The following BZW2 variants were observed in gnomAD, a reference collection of about 807,000 sequenced individuals.
BZW2 encodes the protein basic leucine zipper and W2 domains 2, also known as eIF5-mimic protein 1.
BZW2 carries 23 observed loss-of-function variants against 53.2 expected under a neutral mutation model. That is an observed-to-expected ratio of 0.43 (90% CI 0.31 to 0.61). The LOEUF is 0.61. Among genes scored for constraint, BZW2 ranks in the 20% least tolerant of loss-of-function variants. The pLI is 0.09. For synonymous variants in BZW2, 227 were observed against 186.4 expected, an observed-to-expected ratio of 1.22 and a Z score of -1.77; for missense variants, 409 against 503.1, an observed-to-expected ratio of 0.81 and a Z score of 1.79.
chr7:16,672,341 T>C (rs528329203), intron 2 of BZW2, among the ~76,000 whole-genome samples: 3 of 152,328 alleles, frequency 2.0e-5, no homozygotes, highest in South Asian at 4.1e-4. Context: ...TTTGCTACTA[T>C]TTTCTAGGTC....
At chr7:16,697,116 TG>T in intron 9 of BZW2, 55 bp downstream of exon 9, 12 of 1,512,208 alleles carry the variant, frequency 7.9e-6, no homozygotes, top group East Asian at 2.4e-5. Flanking sequence ...CAGCTTTTTT[TG>T]TTTGTTTGTT....
At chr7:16,682,902 A>C in intron 5 of BZW2, 57 bp downstream of exon 5, 2 of 1,241,306 alleles carry the variant, frequency 1.6e-6, no homozygotes, top group Non-Finnish European at 2.2e-6. Flanking sequence ...GGGGTGGATA[A>C]AAATTTTATA....
At chr7:16,696,175 T>A (rs1473500225) in intron 8 of BZW2, 1 of 152,208 alleles carries the variant, frequency 6.6e-6, no homozygotes, top group Non-Finnish European at 1.5e-5. Context: ...CACAAAGTAG[T>A]ATGCTGGAGA....
rs140964691 is a variant in BZW2, at chr7:16,680,101, C to T, written c.236-1200C>T. The stretch of plus-strand genomic sequence containing the variant: ...AGCAAGCATCGGAGTCCATGCTATT[C>T]AACCAGTCATGGGTAACTGGGTTAG... On this transcript the variant is annotated intron_variant, in intron 3 of 11. Coordinates refer to ENST00000258761, the MANE Select transcript of BZW2 (RefSeq NM_014038.3). 3.2e-3 allele frequency among the ~76,000 whole-genome samples: 480 copies of T among 152,224 alleles called. 1 individual carries two copies. The highest frequency in any genetic ancestry group is 0.011 in the African/African-American group (450 of 41,544).
At chr7:16,696,776 A>G (rs1783505181) in intron 8 of BZW2, 139 bp from the exon 9 acceptor site, 1 of 839,062 alleles carries the variant, frequency 1.2e-6, no homozygotes, top group Non-Finnish European at 1.9e-6. Flanking sequence ...TTCCAGTCTG[A>G]GAATGCAGAC....
intron 11 of BZW2, among the ~76,000 whole-genome samples, chr7:16,705,393 T>C (rs924371729): frequency 1.4e-5 from 2 of 141,552 alleles, no homozygotes; most frequent in African/African-American, 2.7e-5. Flanking sequence ...CAATTAAGAA[T>C]AAAAAGTTCA....
intron 2 of BZW2, among the ~76,000 whole-genome samples, chr7:16,673,775 C>T (rs1279244810): frequency 6.6e-6 from 1 of 152,086 alleles, no homozygotes; most frequent in African/African-American, 2.4e-5. Context: ...TCCAAATGTA[C>T]ATTTTAAGTG....
rs147390790 is a variant in BZW2, at chr7:16,668,488, G to T, written c.58+2987G>T. ...ATTTTGTGCCAAACTCCTGATGGGG[G>T]AATAAAAATTGAGTCAACTTCATTT... On this transcript the variant is annotated intron_variant, in intron 2 of 11. Transcript: ENST00000258761. Among the ~76,000 whole-genome samples, 588 of 152,272 alleles carry T rather than the reference G, an allele frequency of 3.9e-3. 5 individuals carry two copies. The highest frequency in any genetic ancestry group is 0.014 in the African/African-American group (568 of 41,560).
chr7:16,672,933 T>G (rs150809900), intron 2 of BZW2, among the ~76,000 whole-genome samples: 3 of 151,046 alleles, frequency 2.0e-5, no homozygotes, highest in African/African-American at 4.9e-5. Flanking sequence ...GATTGCTCTG[T>G]GTTTGTCTTA....
intron 3 of BZW2, among the ~76,000 whole-genome samples, chr7:16,679,044 T>C (rs925182789): frequency 6.6e-6 from 1 of 152,162 alleles, no homozygotes; most frequent in African/African-American, 2.4e-5. Context: ...ACACTGTCAT[T>C]GATAAATATC....
At chr7:16,675,712 G>T (rs146897064) in intron 3 of BZW2, among the ~76,000 whole-genome samples, 2 of 152,284 alleles carry the variant, frequency 1.3e-5, no homozygotes, top group African/African-American at 4.8e-5. Context: ...AAGTATAACA[G>T]CTATCTATAT....
rs906647984 is a variant in BZW2, at chr7:16,646,205, G to A, written c.-91G>A. ...CACTCCTCCATTGTCTGCCGCCACT[G>A]CTGCTGCTGCTGCTGCTGCCGCTGC... On this transcript the variant is annotated 5_prime_UTR_variant, in exon 1 of 12. Coordinates refer to ENST00000258761, the MANE Select transcript of BZW2 (RefSeq NM_014038.3). 147 of 268,718 alleles carry A rather than the reference G, an allele frequency of 5.5e-4. No homozygotes were observed. The highest frequency in any genetic ancestry group is 3.1e-3 in the African/African-American group (137 of 44,082). 16.6% of individuals were successfully genotyped at this position (268,718 alleles called of 1,614,324 possible).
At chr7:16,685,821 C>T in intron 5 of BZW2, 84 bp from the exon 6 acceptor site, 2 of 1,427,198 alleles carry the variant, frequency 1.4e-6, no homozygotes, top group Non-Finnish European at 9.2e-7. Flanking sequence ...GTTTATCTTC[C>T]CACTTCAGTC....
chr7:16,700,881 T>G (rs1047564879), intron 10 of BZW2: 2 of 152,162 alleles, frequency 1.3e-5, no homozygotes, highest in African/African-American at 4.8e-5. Context: ...TGCTCCATTT[T>G]AATTTTCATT....
At position 16,698,104 on chromosome 7, in the gene BZW2, C is replaced by T; in HGVS notation, c.1026C>T (p.Leu342=). 1 of 1,614,128 alleles carries T rather than the reference C, an allele frequency of 6.2e-7. No individual in the cohort carries two copies. Among genetic ancestry groups the T allele is most frequent in the Non-Finnish European group, 8.5e-7 (1 of 1,179,958 alleles). The change falls in exon 10 of 12, where the codon CTC becomes CTT. Residue 342 remains leucine (L), a synonymous_variant. Transcript: ENST00000258761. ...CCCAAGGCCAGTCAGAGCTGATCCT[C>T]CTCCAGAAGGTTCAGGAATACTGCT... The part of the protein sequence containing the change: ...FSSQGQSELI[L]LQKVQEYCYD...
rs185640036 is a variant in BZW2 at position 16,670,175 on chromosome 7, G to T, written c.59-4237G>T. On this transcript the variant is annotated intron_variant, in intron 2 of 11. Coordinates refer to ENST00000258761, the MANE Select transcript of BZW2 (RefSeq NM_014038.3). ...CATAAGTTTTTAAGATTTCCAAGCT[G>T]TAAGTAATCATTTTGACCTACCACC... is the stretch of plus-strand genomic sequence containing the variant. Among the ~76,000 whole-genome samples the T allele has an allele frequency of 7.2e-5, 11 of 152,282 alleles. No individual in the cohort carries two copies. The East Asian group carries it at 2.1e-3, about 29-fold the overall frequency.
intron 9 of BZW2, 104 bp from the exon 10 acceptor site, chr7:16,697,940 AAGTC>A (rs1201559569): frequency 2.9e-6 from 4 of 1,371,260 alleles, no homozygotes; most frequent in African/African-American, 1.4e-5. Context: ...TCAATCCTGA[AAGTC>A]AGTCTTTTCT....
chr7:16,694,708 T>A (rs547229541), intron 7 of BZW2, 126 bp from the exon 8 acceptor site: 6 of 793,302 alleles, frequency 7.6e-6, no homozygotes, highest in Non-Finnish European at 1.1e-5. Context: ...TTTGTTGTTT[T>A]GTAAAACAGT....
intron 4 of BZW2, among the ~76,000 whole-genome samples, chr7:16,682,143 C>G (rs1353682219): frequency 2.0e-5 from 3 of 152,054 alleles, no homozygotes; most frequent in Non-Finnish European, 4.4e-5. Flanking sequence ...GGAATATAGC[C>G]TGTGTGTAGG....
Sources: allele counts gnomAD v4.1 joint callset (sites outside exome capture counted in the v4.1 genomes callset), GRCh38; gene constraint gnomAD v4.1.1; transcripts MANE v1.5; gene names NCBI Gene and HGNC (gene_info 2026-07-23, HGNC 2026-07-21).